Variants in LNPEP observed in about 807,000 individuals in gnomAD.
LNPEP encodes leucyl and cystinyl aminopeptidase, also known as leucyl-cystinyl aminopeptidase.
In LNPEP, 64 loss-of-function variants were observed where a neutral mutation model predicts 120.6. The ratio of observed to expected loss-of-function variants is 0.53; its 90% CI spans 0.43 to 0.65. LNPEP has a LOEUF of 0.65. LNPEP is among the 30% of genes least tolerant of loss of function. The probability of loss-of-function intolerance (pLI) is 0.00; values close to 1 mark genes in which losing one functional copy is unlikely to be tolerated. For synonymous variants in LNPEP, 435 were observed against 425.4 expected (o/e 1.02, Z -0.28); for missense variants, 1,057 against 1,200.0 (o/e 0.88, Z 1.76).
In LNPEP at chr5:96,992,779, C is replaced by T. The variant is rs536717580; in HGVS notation, c.1132-236C>T. On this transcript the variant is annotated intron_variant, in intron 4 of 17. Transcript: ENST00000231368. ...TGGATGTTGCTAGCTTAAAAAAAAG[C>T]GGGGCGGGGGTGGGGCGGGGTTGGA... is the stretch of plus-strand genomic sequence containing the variant. Among the ~76,000 whole-genome samples the T allele has an allele frequency of 0.013, 175 of 13,230 alleles. 3 individuals are homozygous for T. In the South Asian group the frequency reaches 0.17, roughly 13 times the overall value. The allele number at this position is 13,230 out of a possible 152,430, so 8.7% of individuals were successfully genotyped here. A position where few individuals can be genotyped will look rare whatever the true frequency, so the allele number is the denominator to read the frequency against.
chr5:97,031,358 G>A lies in LNPEP; in HGVS notation c.*2825G>A, dbSNP rs544523238. Reference sequence around the variant, plus strand: ...ATAAGCTTGGGCCTTCCTCCATCTTGTTTTATTTAAGTCTCTTTAAATGAA... The same window carrying A: ...ATAAGCTTGGGCCTTCCTCCATCTTATTTTATTTAAGTCTCTTTAAATGAA... On this transcript the variant is annotated 3_prime_UTR_variant, in exon 18 of 18. Transcript: ENST00000231368. 6.6e-6 allele frequency: 1 copy of A among 152,198 alleles called. No individual in the cohort carries two copies. The highest frequency in any genetic ancestry group is 2.1e-4 in the South Asian group (1 of 4,822). 9.4% of individuals were successfully genotyped at this position (152,198 alleles called of 1,614,324 possible).
chr5:96,960,893 A>G (rs140085115), intron 1 of LNPEP, among the ~76,000 whole-genome samples: 1 of 151,324 alleles, frequency 6.6e-6, no homozygotes, highest in Non-Finnish European at 1.5e-5. Context: ...TTTTTTTTCC[A>G]TAATCATGTC....
At chr5:97,010,233 C>G (rs953030512) in intron 11 of LNPEP, 3 of 944,344 alleles carry the variant, frequency 3.2e-6, no homozygotes, top group Non-Finnish European at 2.5e-6. Flanking sequence ...TTTACTCAGA[C>G]CTAAGATCTT....
rs149000947 is a variant in LNPEP at position 96,973,609 on chromosome 5, G to A, written c.20-5529G>A. ...TGGATATTATAAGTAGTCTAGAGAT[G>A]ATTTAAAGTATGTGGGAGGATATGC... On this transcript the variant is annotated intron_variant, in intron 1 of 17. Coordinates refer to ENST00000231368, the MANE Select transcript of LNPEP (RefSeq NM_005575.3). Among the ~76,000 whole-genome samples, 13 of 152,172 alleles carry A rather than the reference G, an allele frequency of 8.5e-5. No homozygotes were observed. The East Asian group carries it at 2.3e-3, about 27-fold the overall frequency.
chr5:96,955,231 G>T lies in LNPEP; in HGVS notation c.19+19057G>T, dbSNP rs1425365971. Among the ~76,000 whole-genome samples the T allele has an allele frequency of 2.0e-5, 3 of 152,062 alleles. No homozygotes were observed. The East Asian group carries it at 5.8e-4, about 29-fold the overall frequency. ...AATTGTATATAAATTGAATTATATA[G>T]ATTTTATATAATTTTATGTAAATGG... is the stretch of plus-strand genomic sequence containing the variant. On this transcript the variant is annotated intron_variant, in intron 1 of 17. Coordinates refer to ENST00000231368, the MANE Select transcript of LNPEP (RefSeq NM_005575.3).
At chr5:96,972,744 A>G (rs1439383287) in intron 1 of LNPEP, among the ~76,000 whole-genome samples, 1 of 152,090 alleles carries the variant, frequency 6.6e-6, no homozygotes, top group Non-Finnish European at 1.5e-5. Flanking sequence ...GAGAGGAATG[A>G]TAATCTGGTA....
chr5:96,946,528 A>C (rs1392464631), intron 1 of LNPEP, among the ~76,000 whole-genome samples: 1 of 152,254 alleles, frequency 6.6e-6, no homozygotes, highest in Non-Finnish European at 1.5e-5. Context: ...TTCAGGAAAT[A>C]TTATTGCGAT....
chr5:97,021,714 T>C (rs778133227), intron 13 of LNPEP, among the ~76,000 whole-genome samples: 1 of 152,098 alleles, frequency 6.6e-6, no homozygotes, highest in Non-Finnish European at 1.5e-5. Context: ...TTAATTTTTT[T>C]CTGAGTTAAC....
chr5:97,004,327 A>G (rs1790726975), intron 9 of LNPEP, among the ~76,000 whole-genome samples: 1 of 152,158 alleles, frequency 6.6e-6, no homozygotes, highest in Non-Finnish European at 1.5e-5. Context: ...AGCCTGGCCA[A>G]TATGGTGAAA....
intron 14 of LNPEP, 41 bp downstream of exon 14, chr5:97,022,525 T>C (rs1582035146): frequency 6.8e-7 from 1 of 1,472,934 alleles, no homozygotes; most frequent in Non-Finnish European, 9.5e-7. Context: ...CTTCTTTTTC[T>C]TTATTTCACA....
At chr5:96,950,903 T>C (rs1481268645) in intron 1 of LNPEP, among the ~76,000 whole-genome samples, 1 of 152,200 alleles carries the variant, frequency 6.6e-6, no homozygotes, top group Non-Finnish European at 1.5e-5. Flanking sequence ...ATAGGCAGTG[T>C]AGTAGTCTGC....
chr5:96,998,481 G>A (rs1790570786), intron 8 of LNPEP, among the ~76,000 whole-genome samples: 1 of 152,144 alleles, frequency 6.6e-6, no homozygotes, highest in African/African-American at 2.4e-5. Context: ...GTGTTACTCA[G>A]AATTGAGGTA....
At chr5:96,994,377 C>T (rs1205856514) in intron 6 of LNPEP, among the ~76,000 whole-genome samples, 1 of 152,100 alleles carries the variant, frequency 6.6e-6, no homozygotes, top group African/African-American at 2.4e-5. Context: ...ATGACAAATG[C>T]CCATTGCCCA....
chr5:96,958,191 T>C (rs1405416412), intron 1 of LNPEP, among the ~76,000 whole-genome samples: 3 of 152,228 alleles, frequency 2.0e-5, no homozygotes, highest in Admixed American at 6.5e-5. Flanking sequence ...TAACCTATTA[T>C]AAAGTGAAAT....
At position 96,985,057 on chromosome 5, in the gene LNPEP, GATTGA is replaced by G; in HGVS notation, c.861-19_861-15del. 6.2e-7 allele frequency: 1 copy of G among 1,613,130 alleles called. No homozygotes were observed. Among genetic ancestry groups the G allele is most frequent in the Non-Finnish European group, 8.5e-7 (1 of 1,179,394 alleles). ...TACAGTAGGTGCTCAGTAACTACTG[GATTGA>G]ATTTGTGTTTGTTTTAGGTACTTTG... On this transcript the variant is annotated intron_variant, in intron 2 of 17. Transcript: ENST00000231368.
At chr5:96,993,796 C>T in intron 5 of LNPEP, 21 bp from the exon 6 acceptor site, 5 of 1,611,554 alleles carry the variant, frequency 3.1e-6, no homozygotes, top group Non-Finnish European at 4.2e-6. Flanking sequence ...AAGTTGATCA[C>T]TTATTTCCTG....
Position 96,993,887 on chromosome 5 carries a change from G to A in LNPEP, c.1323G>A (p.Glu441=). The change falls in exon 6 of 18, where the codon GAG becomes GAA. Residue 441 remains glutamate (E), a synonymous_variant. Transcript: ENST00000231368. Reference sequence around the variant, plus strand: ...GGGGTTTGCTCACCTTCCGAGAGGAGACACTTCTGTATGACAGTAACACTT... The same window carrying A: ...GGGGTTTGCTCACCTTCCGAGAGGAAACACTTCTGTATGACAGTAACACTT... ...ENWGLLTFRE[E]TLLYDSNTSS... 2 of 1,613,896 alleles carry A rather than the reference G, an allele frequency of 1.2e-6. No homozygotes were observed. The highest frequency in any genetic ancestry group is 1.7e-6 in the Non-Finnish European group (2 of 1,179,836).
At chr5:97,024,466 C>T (rs1317242993) in intron 14 of LNPEP, 55 bp from the exon 15 acceptor site, 1 of 1,539,228 alleles carries the variant, frequency 6.5e-7, no homozygotes, top group Non-Finnish European at 8.9e-7. Context: ...AACTCTTCGC[C>T]TTTGTATTCA....
intron 13 of LNPEP, among the ~76,000 whole-genome samples, chr5:97,016,772 A>G (rs1791077731): frequency 6.6e-6 from 1 of 152,148 alleles, no homozygotes; most frequent in Non-Finnish European, 1.5e-5. Context: ...TTTTTAAAAC[A>G]ATATTTATGT....
Sources: gnomAD v4.1 joint callset for allele counts (sites outside exome capture counted in the v4.1 genomes callset) on GRCh38, gnomAD v4.1.1 for gene constraint, MANE v1.5 for transcripts, NCBI Gene and HGNC (gene_info 2026-07-23, HGNC 2026-07-21) for gene names.